Variants in PDZK1 observed in about 807,000 individuals in gnomAD.
The protein encoded by PDZK1 is PDZ domain containing 1.
Under a neutral mutation model 38.1 loss-of-function variants are expected in PDZK1, and 23 were observed. The observed-to-expected ratio is 0.60, with a 90% CI of 0.43 to 0.85. PDZK1 has a LOEUF of 0.85. Ranked by LOEUF, PDZK1 falls within the 40% of genes least tolerant of loss-of-function variation. The pLI, the probability that PDZK1 is intolerant of heterozygous loss-of-function variation, is 0.00. For synonymous variants in PDZK1, 98 were observed against 186.2 expected (o/e 0.53, Z 3.86); for missense variants, 297 against 504.3 (o/e 0.59, Z 3.94).
At chr1:145,689,904 C>A (rs902927929) in intron 1 of PDZK1, among the ~76,000 whole-genome samples, 1 of 152,190 alleles carries the variant, frequency 6.6e-6, no homozygotes. Context: ...GAGCCCCCAG[C>A]TGCCCAATAC....
chr1:145,688,546 G>T (rs1189929937), intron 1 of PDZK1, among the ~76,000 whole-genome samples: 3 of 152,068 alleles, frequency 2.0e-5, no homozygotes, highest in Non-Finnish European at 4.4e-5. Context: ...AATAACAAAG[G>T]GTCTTGGGAA....
chr1:145,705,094 G>A (rs1656173915), intron 1 of PDZK1, among the ~76,000 whole-genome samples: 2 of 151,996 alleles, frequency 1.3e-5, no homozygotes, highest in African/African-American at 4.8e-5. Context: ...TAAAAGAGAT[G>A]ATTTTTTTTT....
intron 1 of PDZK1, among the ~76,000 whole-genome samples, chr1:145,693,726 A>T (rs782028632): frequency 6.4e-4 from 97 of 151,614 alleles, no homozygotes; most frequent in Non-Finnish European, 9.9e-4. Flanking sequence ...GTGAGCTGAG[A>T]TCAGGCCACT....
chr1:145,696,897 AG>A (rs1655659953), intron 1 of PDZK1, among the ~76,000 whole-genome samples: 1 of 152,246 alleles, frequency 6.6e-6, no homozygotes, highest in African/African-American at 2.4e-5. Context: ...CCTAGAGCTT[AG>A]GAGATGCTGG....
intron 3 of PDZK1, among the ~76,000 whole-genome samples, chr1:145,683,461 A>G (rs1292279205): frequency 6.6e-6 from 1 of 152,216 alleles, no homozygotes; most frequent in Non-Finnish European, 1.5e-5. Flanking sequence ...TAGCCATCGT[A>G]TGCTGTGGAG....
rs782427059 is a variant in PDZK1 at position 145,687,999 on chromosome 1, C to T, written c.23G>A (p.Arg8Gln). 1.2e-5 allele frequency: 20 copies of T among 1,612,966 alleles called. No individual in the cohort carries two copies. Among genetic ancestry groups the T allele is most frequent in the Admixed American group, 1.2e-4 (7 of 59,824 alleles). ...TTCTTGCTTGGACAGTTTACATTCT[C>T]GGGGGTTGAAGGTGGAGGTCATTTC... MTSTFNP[R>Q]ECKLSKQEGQ... is the part of the protein sequence containing the mutation. The change falls in exon 2 of 9, where the codon CGA (arginine) becomes CAA (glutamine). Residue 8 changes from arginine to glutamine, a missense_variant. By Grantham distance (43) the Arg-to-Gln change is conservative (BLOSUM62 1). This residue lies in a region of PDZK1 where 159 missense variants were observed against 200.0 expected (regional missense o/e 0.79). Transcript: ENST00000417171.
chr1:145,679,166 GC>G (rs1446622334), intron 5 of PDZK1, among the ~76,000 whole-genome samples: 24 of 147,720 alleles, frequency 1.6e-4, no homozygotes, highest in East Asian at 1.4e-3. Flanking sequence ...ACCAGATGCT[GC>G]CTTTTTTTTT....
chr1:145,704,983 T>C (rs1257256957), intron 1 of PDZK1, among the ~76,000 whole-genome samples: 8 of 152,218 alleles, frequency 5.3e-5, no homozygotes, highest in Non-Finnish European at 8.8e-5. Context: ...TGCAAATATG[T>C]TCTATGCCAG....
At chr1:145,704,100 A>G (rs587718096) in intron 1 of PDZK1, among the ~76,000 whole-genome samples, 51 of 121,214 alleles carry the variant, frequency 4.2e-4, no homozygotes, top group African/African-American at 1.6e-3. Flanking sequence ...AAGTGCTGGG[A>G]TTACAGGCGT....
At chr1:145,695,990 G>A (rs587729820) in intron 1 of PDZK1, among the ~76,000 whole-genome samples, 2 of 152,244 alleles carry the variant, frequency 1.3e-5, no homozygotes, top group East Asian at 1.9e-4. Flanking sequence ...AGGAACAACA[G>A]GTGTGCAGCA....
At chr1:145,698,406 G>A (rs1408673380) in intron 1 of PDZK1, among the ~76,000 whole-genome samples, 1 of 152,136 alleles carries the variant, frequency 6.6e-6, no homozygotes, top group Non-Finnish European at 1.5e-5. Context: ...TGGAGCCCCC[G>A]AGCTGGCGGT....
chr1:145,682,633 T>C lies in PDZK1; in HGVS notation c.464A>G (p.Lys155Arg), dbSNP rs1553700625. The C allele has an allele frequency of 6.2e-7, 1 of 1,611,886 alleles. No individual in the cohort carries two copies. The highest frequency in any genetic ancestry group is 2.2e-5 in the East Asian group (1 of 44,892). ...AATATCAGTCATGTACACCCCCTTT[T>C]TACCTGGAAGAGAGTAGGGGTAAAC... is the stretch of plus-strand genomic sequence containing the variant. ...YGFSLKTVQG[K>R]KGVYMTDITP... is the part of the protein sequence containing the mutation. Residue 155 changes from lysine to arginine, a missense_variant, in exon 4 of 9, where the codon AAA becomes AGA. This residue lies in a region of PDZK1 where 159 missense variants were observed against 200.0 expected (regional missense o/e 0.79). Transcript: ENST00000417171.
At chr1:145,688,709 C>T (rs587746151) in intron 1 of PDZK1, among the ~76,000 whole-genome samples, 94 of 152,198 alleles carry the variant, frequency 6.2e-4, no homozygotes, top group African/African-American at 1.9e-3. Context: ...CCCTGTATTC[C>T]CAGCACTTTG....
At chr1:145,705,114 G>T (rs934565251) in intron 1 of PDZK1, among the ~76,000 whole-genome samples, 2 of 151,996 alleles carry the variant, frequency 1.3e-5, no homozygotes, top group African/African-American at 4.8e-5. Context: ...TTCTCGAGAT[G>T]GAGTCTCACT....
chr1:145,701,077 C>CGTGT (rs1655932317), intron 1 of PDZK1, among the ~76,000 whole-genome samples: 2 of 151,456 alleles, frequency 1.3e-5, no homozygotes, highest in Non-Finnish European at 2.9e-5. Context: ...TGGTGGCACA[C>CGTGT]GCCTGTAGTC....
chr1:145,681,102 C>A lies in PDZK1; in HGVS notation c.603G>T (p.Lys201Asn), dbSNP rs1654198707. 1 of 545,788 alleles carries A rather than the reference C, an allele frequency of 1.8e-6. No homozygotes were observed. Among genetic ancestry groups the A allele is most frequent in the East Asian group, 3.0e-5 (1 of 33,138 alleles). The allele number at this position is 545,788 out of a possible 1,614,324, so 33.8% of individuals were successfully genotyped here. Residue 201 changes from lysine (K) to asparagine (N), a missense_variant, in exon 5 of 9, where the codon AAG (lysine) becomes AAT (asparagine). Lys to Asn is a moderately conservative substitution (Grantham distance 94, BLOSUM62 0). Around this residue, in one of 5 missense-constraint regions of PDZK1, gnomAD observed 35 missense variants for 73.9 expected, o/e 0.47. Transcript: ENST00000417171. ...GGAACATGACACGGCTTCCTGACTT[C>A]TTCACCTGTAACAACACACACAGAT... Reference protein sequence around the residue: ...ASHEEVVEKVKKSGSRVMFLL... With the variant: ...ASHEEVVEKVNKSGSRVMFLL...
At chr1:145,696,868 A>T in intron 1 of PDZK1, among the ~76,000 whole-genome samples, 1 of 152,320 alleles carries the variant, frequency 6.6e-6, no homozygotes. Flanking sequence ...TTTCAATTAG[A>T]GGACTTGACG....
intron 1 of PDZK1, among the ~76,000 whole-genome samples, chr1:145,699,131 A>T (rs1253122704): frequency 1.3e-5 from 2 of 151,884 alleles, no homozygotes; most frequent in African/African-American, 4.8e-5. Flanking sequence ...CCAGCTACTC[A>T]GGAGTCTGAG....
intron 3 of PDZK1, among the ~76,000 whole-genome samples, chr1:145,683,002 C>G (rs1406069969): frequency 1.3e-5 from 2 of 152,130 alleles, no homozygotes; most frequent in Non-Finnish European, 2.9e-5. Flanking sequence ...TTCCAATGTA[C>G]CAACAAACTG....
Sources: gnomAD v4.1 joint callset for allele counts (sites outside exome capture counted in the v4.1 genomes callset) on GRCh38, gnomAD v4.1.1 for gene constraint, gnomAD v4.1.1 regional missense constraint, MANE v1.5 for transcripts, NCBI Gene and HGNC (gene_info 2026-07-23, HGNC 2026-07-21) for gene names.